TGFB2: variants seen among roughly 807,000 people sequenced by gnomAD.
TGFB2 encodes transforming growth factor beta 2.
A neutral mutation model predicts 42.7 loss-of-function variants in TGFB2; 13 were observed. The ratio of observed to expected loss-of-function variants is 0.30; its 90% CI spans 0.20 to 0.48. The LOEUF (loss-of-function observed/expected upper bound fraction) is 0.48. TGFB2 is among the 20% of genes least tolerant of loss of function. The probability of loss-of-function intolerance (pLI) is 0.99; values close to 1 mark genes in which losing one functional copy is unlikely to be tolerated. For missense variants in TGFB2, 390 were observed against 517.5 expected (o/e 0.75, Z 2.39); for synonymous variants, 193 against 193.6 (o/e 1.00, Z 0.03).
At chr1:218,433,682 C>G (rs999296003) in intron 2 of TGFB2, among the ~76,000 whole-genome samples, 3 of 152,174 alleles carry the variant, frequency 2.0e-5, no homozygotes, top group Non-Finnish European at 2.9e-5. Flanking sequence ...CTGGACTTCT[C>G]CTCTTGTCCC....
rs547037466 is a variant in TGFB2 at position 218,402,638 on chromosome 1, G to A, written c.347-2531G>A. Among the ~76,000 whole-genome samples, 77 of 152,348 alleles carry A rather than the reference G, an allele frequency of 5.1e-4. 1 individual carries two copies. The South Asian group carries it at 0.015, about 30-fold the overall frequency. On this transcript the variant is annotated intron_variant, in intron 1 of 6. Transcript: ENST00000366930. ...AACTTGATGGAAGGATAAGATTGAG[G>A]CAGGCGTGTGTGAAAGATGGGTGTT...
chr1:218,358,548 CTTT>C (rs34141354), intron 1 of TGFB2, among the ~76,000 whole-genome samples: 2 of 134,054 alleles, frequency 1.5e-5, no homozygotes, highest in Non-Finnish European at 3.2e-5. Flanking sequence ...ATAGTGAACT[CTTT>C]TTTTTTTTTT....
chr1:218,444,037 G>GA lies in TGFB2; in HGVS notation c.*2679dup, dbSNP rs1660242822. The GA allele has an allele frequency of 6.6e-6, 1 of 152,050 alleles. No individual in the cohort carries two copies. Among genetic ancestry groups the GA allele is most frequent in the South Asian group, 2.1e-4 (1 of 4,834 alleles). 9.4% of individuals were successfully genotyped at this position (152,050 alleles called of 1,614,324 possible). ...CCTATCAGTACCATCATCGAGTCTAGAAAACACCTGTGATGCAATAAGACT... is the reference window on the plus strand; with the variant it reads ...CCTATCAGTACCATCATCGAGTCTAGAAAAACACCTGTGATGCAATAAGACT... On this transcript the variant is annotated 3_prime_UTR_variant, in exon 7 of 7. Transcript: ENST00000366930.
chr1:218,405,242 T>C lies in TGFB2; in HGVS notation c.420T>C (p.Asn140=). The C allele has an allele frequency of 1.2e-6, 2 of 1,614,138 alleles. No homozygotes were observed. The highest frequency in any genetic ancestry group is 1.7e-6 in the Non-Finnish European group (2 of 1,179,960). ...TTGACGTCTCAGCAATGGAGAAGAA[T>C]GCTTCCAATTTGGTGAAAGCAGAGT... ...VRFDVSAMEK[N]ASNLVKAEFR... The change falls in exon 2 of 7, where the codon AAT becomes AAC. Residue 140 remains asparagine, a synonymous_variant. Coordinates refer to ENST00000366930, the MANE Select transcript of TGFB2 (RefSeq NM_003238.6).
intron 2 of TGFB2, among the ~76,000 whole-genome samples, chr1:218,413,201 A>G (rs540040508): frequency 2.0e-4 from 30 of 152,196 alleles, no homozygotes; most frequent in African/African-American, 6.7e-4. Flanking sequence ...GTGAAAATCC[A>G]TCTCTACTAA....
chr1:218,396,262 G>T (rs556487019), intron 1 of TGFB2, among the ~76,000 whole-genome samples: 109 of 152,332 alleles, frequency 7.2e-4, no homozygotes, highest in Non-Finnish European at 1.3e-3. Context: ...AGCCTATCAG[G>T]TGATTTTGAT....
intron 1 of TGFB2, among the ~76,000 whole-genome samples, chr1:218,358,700 C>T (rs1657116993): frequency 6.6e-6 from 1 of 152,182 alleles, no homozygotes. Flanking sequence ...AGGCACCCCC[C>T]ACCATGCCCA....
At position 218,422,046 on chromosome 1, in the gene TGFB2, G is replaced by C. The variant is rs564578240; in HGVS notation, c.511-12036G>C. Among the ~76,000 whole-genome samples the C allele has an allele frequency of 1.3e-4, 20 of 152,132 alleles. No homozygotes were observed. The South Asian group carries it at 4.2e-3, about 32-fold the overall frequency. On this transcript the variant is annotated intron_variant, in intron 2 of 6. Coordinates refer to ENST00000366930, the MANE Select transcript of TGFB2 (RefSeq NM_003238.6). ...ATAAGTTAGTGTTATAAGTCACCCA[G>C]TTTGTGGTACTTTGTTACTACAGTT...
At chr1:218,398,966 T>C (rs1418151632) in intron 1 of TGFB2, among the ~76,000 whole-genome samples, 2 of 152,192 alleles carry the variant, frequency 1.3e-5, no homozygotes, top group African/African-American at 4.8e-5. Flanking sequence ...CACTGTAGTC[T>C]CACCCTCTCA....
intron 1 of TGFB2, among the ~76,000 whole-genome samples, chr1:218,399,619 G>A (rs1424280648): frequency 6.6e-6 from 1 of 152,148 alleles, no homozygotes; most frequent in Non-Finnish European, 1.5e-5. Context: ...TAGTAAAACA[G>A]GTGAAATGTT....
Position 218,379,126 on chromosome 1 carries a change from C to CTTTTTTT in TGFB2, c.347-26040_347-26039insTTTTTTT, listed in dbSNP as rs748882381. ...AACACATGGTACATTTTCTTTCTTT[C>CTTTTTTT]TTTCTTTTTTTTTTTTCTTTTTTAG... is the stretch of plus-strand genomic sequence containing the variant. On this transcript the variant is annotated intron_variant, in intron 1 of 6. Transcript: ENST00000366930. Among the ~76,000 whole-genome samples the CTTTTTTT allele has an allele frequency of 9.0e-5, 13 of 143,734 alleles. 1 individual carries two copies. Among genetic ancestry groups the CTTTTTTT allele is most frequent in the African/African-American group, 2.3e-4 (9 of 38,732 alleles). The allele number at this position is 143,734 out of a possible 152,430, so 94.3% of individuals were successfully genotyped here.
chr1:218,353,237 T>C (rs1461317685), intron 1 of TGFB2, among the ~76,000 whole-genome samples: 1 of 152,246 alleles, frequency 6.6e-6, no homozygotes, highest in African/African-American at 2.4e-5. Context: ...TCCTTTGCGA[T>C]AGTTCCACTC....
intron 2 of TGFB2, among the ~76,000 whole-genome samples, chr1:218,420,911 T>C (rs1192853012): frequency 1.3e-5 from 2 of 152,222 alleles, no homozygotes; most frequent in Non-Finnish European, 2.9e-5. Context: ...CTCGTGAAGC[T>C]CTTGCCAGGT....
chr1:218,368,129 G>A (rs1204807675), intron 1 of TGFB2, among the ~76,000 whole-genome samples: 3 of 147,298 alleles, frequency 2.0e-5, no homozygotes, highest in African/African-American at 7.5e-5. Flanking sequence ...TGATATATTA[G>A]TTCATTCAGC....
intron 1 of TGFB2, among the ~76,000 whole-genome samples, chr1:218,387,903 G>C (rs1287726551): frequency 1.3e-5 from 2 of 152,144 alleles, no homozygotes; most frequent in Non-Finnish European, 2.9e-5. Context: ...ATATTTGAAA[G>C]GGTTCACCAT....
At chr1:218,371,986 G>A (rs1024805431) in intron 1 of TGFB2, among the ~76,000 whole-genome samples, 1 of 152,196 alleles carries the variant, frequency 6.6e-6, no homozygotes, top group Non-Finnish European at 1.5e-5. Context: ...CTGGCATGGG[G>A]TGTCTGCTGT....
intron 1 of TGFB2, among the ~76,000 whole-genome samples, chr1:218,402,321 G>C (rs1047758810): frequency 6.6e-6 from 1 of 152,232 alleles, no homozygotes; most frequent in Non-Finnish European, 1.5e-5. Context: ...AGCCAGAGGG[G>C]AGGAGGGCTG....
chr1:218,441,579 C>A lies in TGFB2; in HGVS notation c.*217C>A. The A allele has an allele frequency of 2.5e-6, 1 of 392,854 alleles. No individual in the cohort carries two copies. Among genetic ancestry groups the A allele is most frequent in the Admixed American group, 4.4e-5 (1 of 22,872 alleles). 24.3% of individuals were successfully genotyped at this position (392,854 alleles called of 1,614,324 possible). A position where few individuals can be genotyped will look rare whatever the true frequency, so the allele number is the denominator to read the frequency against. On this transcript the variant is annotated 3_prime_UTR_variant, in exon 7 of 7. Coordinates refer to ENST00000366930, the MANE Select transcript of TGFB2 (RefSeq NM_003238.6). ...CACAAAAAAAGTTGAAGGCCTTATT[C>A]TACATTTCACCTACTTTGTAAGTGA...
At chr1:218,421,325 A>G (rs1272621881) in intron 2 of TGFB2, among the ~76,000 whole-genome samples, 1 of 151,442 alleles carries the variant, frequency 6.6e-6, no homozygotes, top group Non-Finnish European at 1.5e-5. Context: ...CTTGATATAT[A>G]TAATCTCTGT....
Sources: allele counts gnomAD v4.1 joint callset (sites outside exome capture counted in the v4.1 genomes callset), GRCh38; gene constraint gnomAD v4.1.1; transcripts MANE v1.5; gene names NCBI Gene and HGNC (gene_info 2026-07-23, HGNC 2026-07-21).